Variants in MED13L observed in about 807,000 individuals in gnomAD.
MED13L encodes mediator complex subunit 13L, also known as mediator of RNA polymerase II transcription subunit 13-like.
In MED13L, 7 loss-of-function variants were observed where a neutral mutation model predicts 220.9. The observed-to-expected ratio is 0.03, with a 90% CI of 0.02 to 0.06. MED13L has a LOEUF of 0.06. Among genes scored for constraint, MED13L ranks in the 10% least tolerant of loss-of-function variants. The pLI, the probability that MED13L is intolerant of heterozygous loss-of-function variation, is 1.00. For synonymous variants in MED13L, 1,011 were observed against 1,015.2 expected (o/e 1.00, Z 0.08); for missense variants, 1,965 against 2,760.5 (o/e 0.71, Z 6.46).
chr12:116,008,377 G>A (rs1287656837), intron 10 of MED13L, 24 bp downstream of exon 10: 1 of 1,589,876 alleles, frequency 6.3e-7, no homozygotes. Flanking sequence ...GTGGACGGGT[G>A]GGTGGTGCAG....
At chr12:116,137,772 C>T (rs12297257) in intron 2 of MED13L, among the ~76,000 whole-genome samples, 1 of 151,302 alleles carries the variant, frequency 6.6e-6, no homozygotes, top group African/African-American at 2.4e-5. Flanking sequence ...ATAAACTTGT[C>T]TAAAAAATAC....
intron 1 of MED13L, among the ~76,000 whole-genome samples, chr12:116,257,876 T>A (rs1872186763): frequency 6.6e-6 from 1 of 152,130 alleles, no homozygotes; most frequent in Admixed American, 6.5e-5. Context: ...TTCCTCAATT[T>A]GGAACAGTCT....
At chr12:116,064,976 G>A (rs903137269) in intron 4 of MED13L, among the ~76,000 whole-genome samples, 2 of 152,136 alleles carry the variant, frequency 1.3e-5, no homozygotes, top group African/African-American at 4.8e-5. Flanking sequence ...AACAATGGAA[G>A]TACCTTCTAA....
chr12:115,978,700 A>T (rs528381619), intron 23 of MED13L, among the ~76,000 whole-genome samples: 3 of 152,350 alleles, frequency 2.0e-5, no homozygotes, highest in East Asian at 3.9e-4. Flanking sequence ...TTAAAGCAAG[A>T]AAAGTCCAGC....
intron 2 of MED13L, among the ~76,000 whole-genome samples, chr12:116,228,515 C>T (rs1336327493): frequency 6.6e-6 from 1 of 152,104 alleles, no homozygotes; most frequent in Non-Finnish European, 1.5e-5. Flanking sequence ...GACAGGGTCC[C>T]ACTGCAGAAG....
chr12:116,048,030 T>C (rs1004672192), intron 4 of MED13L, among the ~76,000 whole-genome samples: 5 of 148,414 alleles, frequency 3.4e-5, no homozygotes, highest in African/African-American at 1.2e-4. Context: ...CAAAGATATA[T>C]GTTACTTTTT....
At chr12:116,262,020 G>T (rs1316177156) in intron 1 of MED13L, among the ~76,000 whole-genome samples, 1 of 152,106 alleles carries the variant, frequency 6.6e-6, no homozygotes, top group African/African-American at 2.4e-5. Flanking sequence ...CTTTAAAACA[G>T]TTCAGGCATT....
Position 116,276,941 on chromosome 12 carries a change from G to A in MED13L, c.72+119C>T, listed in dbSNP as rs534235311. Reference sequence around the variant, plus strand: ...GAGAATCGGCGAGAGGCGAACGGCGGGGAGACGCGAGGGAGGGGCGAAGTC... The same window carrying A: ...GAGAATCGGCGAGAGGCGAACGGCGAGGAGACGCGAGGGAGGGGCGAAGTC... On this transcript the variant is annotated intron_variant, in intron 1 of 30. Transcript: ENST00000281928. 9.6e-6 allele frequency: 11 copies of A among 1,151,370 alleles called. No homozygotes were observed. In the African/African-American group the frequency reaches 1.5e-4, roughly 16 times the overall value. 71.3% of individuals were successfully genotyped at this position (1,151,370 alleles called of 1,614,324 possible). A position where few individuals can be genotyped will look rare whatever the true frequency, so the allele number is the denominator to read the frequency against.
chr12:115,991,011 G>A lies in MED13L; in HGVS notation c.3934+9C>T. On this transcript the variant is annotated intron_variant, in intron 17 of 30. Coordinates refer to ENST00000281928, the MANE Select transcript of MED13L (RefSeq NM_015335.5). The surrounding 1 kb of genome is among the most constrained non-coding windows in gnomAD (Gnocchi z 7.7). ...TCCTCAAAGTAAATTTGTGTTCTGGGACACCTACCATTGCTGTGAGGCCAA... is the reference window on the plus strand; with the variant it reads ...TCCTCAAAGTAAATTTGTGTTCTGGAACACCTACCATTGCTGTGAGGCCAA... The A allele has an allele frequency of 6.2e-7, 1 of 1,612,558 alleles. No individual in the cohort carries two copies. Among genetic ancestry groups the A allele is most frequent in the South Asian group, 1.1e-5 (1 of 91,074 alleles).
chr12:116,260,420 C>T (rs1461473762), intron 1 of MED13L, among the ~76,000 whole-genome samples: 1 of 152,102 alleles, frequency 6.6e-6, no homozygotes, highest in East Asian at 1.9e-4. Context: ...GGTTGCACTC[C>T]TGAACACGAG....
intron 3 of MED13L, among the ~76,000 whole-genome samples, chr12:116,097,481 T>A (rs1872717859): frequency 6.6e-6 from 1 of 152,158 alleles, no homozygotes; most frequent in South Asian, 2.1e-4. Flanking sequence ...TTTTAAATTT[T>A]TATTTTTTAT....
intron 1 of MED13L, chr12:116,276,803 C>T: frequency 8.2e-7 from 1 of 1,213,100 alleles, no homozygotes; most frequent in Non-Finnish European, 1.1e-6. Context: ...TCCGCAGCTC[C>T]GAGACTTCCA....
At chr12:116,163,663 T>C (rs562934264) in intron 2 of MED13L, among the ~76,000 whole-genome samples, 1 of 152,306 alleles carries the variant, frequency 6.6e-6, no homozygotes, top group South Asian at 2.1e-4. Context: ...AGGTGAAGAA[T>C]TTTTAAGTGT....
chr12:116,114,789 C>A (rs954832115), intron 2 of MED13L, among the ~76,000 whole-genome samples: 3 of 152,132 alleles, frequency 2.0e-5, no homozygotes, highest in South Asian at 2.1e-4. Context: ...AGACAAAAAA[C>A]TATCACATTT....
intron 4 of MED13L, among the ~76,000 whole-genome samples, chr12:116,074,572 T>C (rs1870635408): frequency 6.6e-6 from 1 of 152,244 alleles, no homozygotes; most frequent in South Asian, 2.1e-4. Context: ...CAAAGAAATG[T>C]ATCTGTCCTC....
chr12:116,275,169 C>G (rs768272888), intron 1 of MED13L, among the ~76,000 whole-genome samples: 2 of 151,924 alleles, frequency 1.3e-5, no homozygotes, highest in Non-Finnish European at 1.5e-5. Flanking sequence ...AATGTGGTCA[C>G]CAGTAACCAC....
intron 2 of MED13L, chr12:116,148,613 A>G (rs375659860): frequency 9.9e-6 from 1 of 100,562 alleles, no homozygotes; most frequent in Admixed American, 1.0e-4. Flanking sequence ...AGATATCTAT[A>G]TATATATATA....
At chr12:116,120,542 G>GA in intron 2 of MED13L, among the ~76,000 whole-genome samples, 1 of 133,186 alleles carries the variant, frequency 7.5e-6, no homozygotes, top group South Asian at 2.6e-4. Context: ...TTCTTCAGGG[G>GA]AAAATACATA....
At chr12:116,166,619 C>T (rs1240552916) in intron 2 of MED13L, among the ~76,000 whole-genome samples, 1 of 152,040 alleles carries the variant, frequency 6.6e-6, no homozygotes, top group African/African-American at 2.4e-5. Flanking sequence ...ATTTTTCTGG[C>T]CTCTTATTAA....
Sources: allele counts gnomAD v4.1 joint callset (sites outside exome capture counted in the v4.1 genomes callset), GRCh38; gene constraint gnomAD v4.1.1; non-coding constraint Gnocchi (gnomAD v3.1); transcripts MANE v1.5; gene names NCBI Gene and HGNC (gene_info 2026-07-23, HGNC 2026-07-21).